RNF144A: variants seen among roughly 807,000 people sequenced by gnomAD.
The protein encoded by RNF144A is E3 ubiquitin-protein ligase RNF144A.
Under a neutral mutation model 38.7 loss-of-function variants are expected in RNF144A, and 11 were observed. The ratio of observed to expected loss-of-function variants is 0.28; its 90% CI spans 0.18 to 0.47. The LOEUF (loss-of-function observed/expected upper bound fraction) is 0.47. RNF144A is among the 20% of genes least tolerant of loss of function. The pLI, the probability that RNF144A is intolerant of heterozygous loss-of-function variation, is 0.99. For synonymous variants in RNF144A, 149 were observed against 143.9 expected (o/e 1.04, Z -0.25); for missense variants, 316 against 377.2 (o/e 0.84, Z 1.34).
chr2:7,031,424 G>A (rs1175438751), intron 8 of RNF144A, among the ~76,000 whole-genome samples: 3 of 152,204 alleles, frequency 2.0e-5, no homozygotes, highest in Non-Finnish European at 4.4e-5. Context: ...TAGAGGTGAC[G>A]TGATGGGGAG....
chr2:6,938,754 T>G (rs182650429), intron 1 of RNF144A, among the ~76,000 whole-genome samples: 6 of 152,334 alleles, frequency 3.9e-5, no homozygotes, highest in Admixed American at 3.3e-4. Flanking sequence ...CTTTCCAAGC[T>G]TCTGAAAACT....
At chr2:6,997,166 C>T in intron 3 of RNF144A, 105 bp downstream of exon 3, 1 of 1,099,366 alleles carries the variant, frequency 9.1e-7, no homozygotes, top group Non-Finnish European at 1.4e-6. Context: ...TTTTGCCTGA[C>T]AGTGGAGTCT....
At chr2:7,002,142 T>G (rs1670148391) in intron 3 of RNF144A, among the ~76,000 whole-genome samples, 1 of 152,244 alleles carries the variant, frequency 6.6e-6, no homozygotes. Flanking sequence ...ACCTAGAAAT[T>G]AAGCTGATTT....
intron 5 of RNF144A, 45 bp from the exon 6 acceptor site, chr2:7,020,428 C>A (rs1671442200): frequency 1.3e-6 from 2 of 1,563,178 alleles, no homozygotes; most frequent in Non-Finnish European, 1.8e-6. Context: ...CCCACATGAC[C>A]CTCTGGCTTA....
chr2:6,946,111 G>A (rs1222071196), intron 2 of RNF144A, among the ~76,000 whole-genome samples: 1 of 152,162 alleles, frequency 6.6e-6, no homozygotes, highest in Non-Finnish European at 1.5e-5. Flanking sequence ...TGGGTCATGA[G>A]GCTTAACAAA....
At position 7,039,786 on chromosome 2, in the gene RNF144A, C is replaced by G. The variant is rs1467963090; in HGVS notation, c.*26C>G. The G allele has an allele frequency of 2.5e-6, 4 of 1,609,812 alleles. No homozygotes were observed. The South Asian group carries it at 4.4e-5, about 18-fold the overall frequency. On this transcript the variant is annotated 3_prime_UTR_variant, in exon 9 of 9. Transcript: ENST00000320892. ...AGGAAGCGCGATGCTGGAACACATC[C>G]CTGCCTCCGGGAAGTGTGGCTCTCC...
At chr2:6,950,055 C>A (rs145879195) in intron 2 of RNF144A, among the ~76,000 whole-genome samples, 1 of 152,054 alleles carries the variant, frequency 6.6e-6, no homozygotes, top group Admixed American at 6.5e-5. Flanking sequence ...TTAAGCAGTG[C>A]GTTTAAAGAG....
At chr2:6,926,578 C>T (rs1196927970) in intron 1 of RNF144A, among the ~76,000 whole-genome samples, 1 of 152,178 alleles carries the variant, frequency 6.6e-6, no homozygotes, top group East Asian at 1.9e-4. Context: ...CCTGTGTGTT[C>T]CATCAATAGG....
At chr2:6,961,703 G>C (rs185026957) in intron 2 of RNF144A, among the ~76,000 whole-genome samples, 2 of 152,226 alleles carry the variant, frequency 1.3e-5, no homozygotes, top group Admixed American at 1.3e-4. Context: ...TCCCTCTTTT[G>C]TCCTTCTGCC....
rs796706212 is a variant in RNF144A, at chr2:6,986,128, C to T, written c.-11-10788C>T. Among the ~76,000 whole-genome samples, 28 of 152,248 alleles carry T rather than the reference C, an allele frequency of 1.8e-4. 2 individuals carry two copies. Among genetic ancestry groups the T allele is most frequent in the African/African-American group, 5.8e-4 (24 of 41,524 alleles). ...GAGAAAGGATGGCTTAGAGGACTCCCGGAAGCCAGCTGTCCCAGCCAGCAT... is the reference window on the plus strand; with the variant it reads ...GAGAAAGGATGGCTTAGAGGACTCCTGGAAGCCAGCTGTCCCAGCCAGCAT... On this transcript the variant is annotated intron_variant, in intron 2 of 8. Transcript: ENST00000320892.
chr2:7,047,262 GTGTCTA>G (rs1250156700), downstream of RNF144A, among the ~76,000 whole-genome samples: 4 of 147,042 alleles, frequency 2.7e-5, no homozygotes, highest in African/African-American at 1.0e-4. Flanking sequence ...GTGTGCATGT[GTGTCTA>G]TGTGTGTGAC....
intron 2 of RNF144A, among the ~76,000 whole-genome samples, chr2:6,953,590 C>T (rs1666821259): frequency 1.3e-5 from 2 of 152,082 alleles, no homozygotes; most frequent in South Asian, 4.1e-4. Flanking sequence ...CGTGTGGGAT[C>T]TTTTTATTAT....
chr2:6,990,562 TAC>T (rs754673175), intron 2 of RNF144A, among the ~76,000 whole-genome samples: 3 of 34,960 alleles, frequency 8.6e-5, no homozygotes, highest in African/African-American at 2.6e-4. Context: ...GAGAGATTGC[TAC>T]ACACACAAAC....
At chr2:7,009,854 G>A (rs1440835741) in intron 3 of RNF144A, among the ~76,000 whole-genome samples, 1 of 152,186 alleles carries the variant, frequency 6.6e-6, no homozygotes, top group Non-Finnish European at 1.5e-5. Flanking sequence ...TCTGTCTCAG[G>A]GCTCCAGCCC....
intron 2 of RNF144A, among the ~76,000 whole-genome samples, chr2:6,985,916 C>T (rs552241865): frequency 2.0e-5 from 3 of 152,248 alleles, no homozygotes; most frequent in Admixed American, 6.5e-5. Flanking sequence ...CCTCATGATC[C>T]GCCCACCTCG....
At chr2:7,018,804 A>G (rs1016235312) in intron 5 of RNF144A, among the ~76,000 whole-genome samples, 2 of 152,162 alleles carry the variant, frequency 1.3e-5, no homozygotes, top group South Asian at 2.1e-4. Flanking sequence ...CCTGACCTCC[A>G]GCGTTCCTTG....
At chr2:7,023,357 A>G (rs1671660705) in intron 6 of RNF144A, among the ~76,000 whole-genome samples, 1 of 152,236 alleles carries the variant, frequency 6.6e-6, no homozygotes, top group Non-Finnish European at 1.5e-5. Flanking sequence ...TCCTTCAGCC[A>G]GAATGCACTC....
intron 5 of RNF144A, among the ~76,000 whole-genome samples, chr2:7,017,662 G>A (rs1216374847): frequency 6.6e-6 from 1 of 152,230 alleles, no homozygotes; most frequent in African/African-American, 2.4e-5. Context: ...TGGGAGAGAA[G>A]AGTTAACATT....
chr2:7,037,743 C>T (rs1672774226), intron 8 of RNF144A, among the ~76,000 whole-genome samples: 2 of 152,262 alleles, frequency 1.3e-5, no homozygotes, highest in African/African-American at 4.8e-5. Context: ...TTGTTCCACA[C>T]ATCTGGGATG....
Sources: allele counts gnomAD v4.1 joint callset (sites outside exome capture counted in the v4.1 genomes callset), GRCh38; gene constraint gnomAD v4.1.1; transcripts MANE v1.5; gene names NCBI Gene and HGNC (gene_info 2026-07-23, HGNC 2026-07-21).